FOXP1: variants seen among roughly 807,000 people sequenced by gnomAD.
FOXP1 encodes the protein forkhead box P1.
Under a neutral mutation model 98.2 loss-of-function variants are expected in FOXP1, and 15 were observed. The ratio of observed to expected loss-of-function variants is 0.15; its 90% CI spans 0.10 to 0.24. The LOEUF is 0.24. Ranked by LOEUF, FOXP1 falls within the 10% of genes least tolerant of loss-of-function variation. FOXP1 has a pLI of 1.00. For synonymous variants in FOXP1, 371 were observed against 314.5 expected, an observed-to-expected ratio of 1.18 and a Z score of -1.90; for missense variants, 633 against 848.5, an observed-to-expected ratio of 0.75 and a Z score of 3.15.
chr3:71,109,212 T>A (rs1290432076), intron 7 of FOXP1, among the ~76,000 whole-genome samples: 3 of 152,212 alleles, frequency 2.0e-5, no homozygotes, highest in African/African-American at 7.2e-5. Context: ...ATTTCTCTCT[T>A]ATTTACTCTC....
At chr3:71,385,172 T>G (rs1462203026) in intron 3 of FOXP1, among the ~76,000 whole-genome samples, 1 of 152,026 alleles carries the variant, frequency 6.6e-6, no homozygotes, top group Admixed American at 6.6e-5. Flanking sequence ...CATATGCATT[T>G]CGGCAGATGA....
rs571444338 is a variant in FOXP1 at position 71,530,337 on chromosome 3, C to A, written c.-297-36782G>T. On this transcript the variant is annotated intron_variant, in intron 2 of 20. Coordinates refer to ENST00000649528, the MANE Select transcript of FOXP1 (RefSeq NM_001349338.3). ...CTCTTTTGCTCTCATGCACACCCTC[C>A]CGCCACGTGATAACCCAAAAGGCCC... Among the ~76,000 whole-genome samples, 49 of 152,264 alleles carry A rather than the reference C, an allele frequency of 3.2e-4. No individual in the cohort carries two copies. In the South Asian group the frequency reaches 1.0e-2, roughly 31 times the overall value.
intron 19 of FOXP1, among the ~76,000 whole-genome samples, chr3:70,966,537 C>A (rs1293292009): frequency 6.6e-6 from 1 of 152,096 alleles, no homozygotes; most frequent in Non-Finnish European, 1.5e-5. Context: ...CCTCTTAGAT[C>A]CTATAGAAAA....
At chr3:71,105,726 T>C (rs2107695498) in intron 7 of FOXP1, among the ~76,000 whole-genome samples, 1 of 152,216 alleles carries the variant, frequency 6.6e-6, no homozygotes, top group Non-Finnish European at 1.5e-5. Flanking sequence ...TGCTTTGCTG[T>C]TGTTGATCAC....
chr3:71,277,051 C>T lies in FOXP1; in HGVS notation c.-12+22769G>A, dbSNP rs541180623. ...TCGGCTCACTGCAAGCTTCCCCTCC[C>T]GGATTCACGCCATTCTCCTGCCTCA... is the stretch of plus-strand genomic sequence containing the variant. On this transcript the variant is annotated intron_variant, in intron 5 of 20. Coordinates refer to ENST00000649528, the MANE Select transcript of FOXP1 (RefSeq NM_001349338.3). Among the ~76,000 whole-genome samples, 21 of 151,502 alleles carry T rather than the reference C, an allele frequency of 1.4e-4. 1 individual carries two copies. Among genetic ancestry groups the T allele is most frequent in the African/African-American group, 4.8e-4 (20 of 41,280 alleles).
chr3:71,430,211 G>A (rs1353856320), intron 3 of FOXP1, among the ~76,000 whole-genome samples: 1 of 152,160 alleles, frequency 6.6e-6, no homozygotes, highest in African/African-American at 2.4e-5. Flanking sequence ...CTGACTCGAG[G>A]ACTTTGCAGC....
intron 3 of FOXP1, among the ~76,000 whole-genome samples, chr3:71,422,865 A>AGC (rs1311624832): frequency 5.3e-5 from 8 of 151,862 alleles, no homozygotes; most frequent in Non-Finnish European, 1.2e-4. Flanking sequence ...CACACACACA[A>AGC]GCGCGCACAC....
rs1310393392 is a variant in FOXP1 at position 71,046,969 on chromosome 3, C to A, written c.637G>T (p.Ala213Ser). The A allele has an allele frequency of 2.5e-6, 4 of 1,614,064 alleles. No homozygotes were observed. ...TGAGCAAGAGGTTGAAGGGGAAGGG[C>A]AGGCTGCCCGGGCTGAATTGTCAGA... ...GLLTIQPGQP[A>S]LPLQPLAQGM... The change falls in exon 10 of 21, where the codon GCC becomes TCC. Residue 213 changes from alanine (A) to serine (S), a missense_variant. Ala to Ser is a moderately conservative substitution (Grantham distance 99). Around this residue, in one of 6 missense-constraint regions of FOXP1, gnomAD observed 210 missense variants for 270.6 expected, o/e 0.78. Coordinates refer to ENST00000649528, the MANE Select transcript of FOXP1 (RefSeq NM_001349338.3).
intron 7 of FOXP1, among the ~76,000 whole-genome samples, chr3:71,110,249 T>C (rs904341047): frequency 1.6e-4 from 24 of 152,162 alleles, no homozygotes; most frequent in African/African-American, 5.8e-4. Flanking sequence ...AAAAATGCCA[T>C]ATGTTTTTAA....
chr3:71,110,820 C>A (rs1244220566), intron 7 of FOXP1, among the ~76,000 whole-genome samples: 1 of 152,238 alleles, frequency 6.6e-6, no homozygotes, highest in Non-Finnish European at 1.5e-5. Flanking sequence ...CTTAAGACAT[C>A]TGCACAACAA....
intron 6 of FOXP1, among the ~76,000 whole-genome samples, chr3:71,126,898 A>G (rs1332127069): frequency 4.5e-4 from 69 of 151,958 alleles, no homozygotes; most frequent in African/African-American, 1.5e-3. Flanking sequence ...AACAAAAAAA[A>G]AAAGAAAGAA....
chr3:71,577,782 T>A (rs1282724329), intron 2 of FOXP1, among the ~76,000 whole-genome samples: 2 of 151,330 alleles, frequency 1.3e-5, no homozygotes, highest in African/African-American at 4.9e-5. Flanking sequence ...CTAACTACCA[T>A]CAACTTAAAA....
chr3:71,555,373 G>A (rs2107693241), intron 2 of FOXP1, among the ~76,000 whole-genome samples: 1 of 152,312 alleles, frequency 6.6e-6, no homozygotes, highest in South Asian at 2.1e-4. Flanking sequence ...AAAAGGGATT[G>A]CTGGTCATCT....
chr3:71,114,121 C>T (rs1436105617), intron 6 of FOXP1, among the ~76,000 whole-genome samples: 13 of 152,140 alleles, frequency 8.5e-5, no homozygotes, highest in Non-Finnish European at 4.4e-5. Flanking sequence ...ACATAGATGT[C>T]ATCAATACAT....
At chr3:71,174,732 C>A (rs1375067651) in intron 6 of FOXP1, among the ~76,000 whole-genome samples, 1 of 150,442 alleles carries the variant, frequency 6.6e-6, no homozygotes, top group Admixed American at 6.7e-5. Flanking sequence ...AATGCTATGA[C>A]TCTACAGATA....
intron 4 of FOXP1, among the ~76,000 whole-genome samples, chr3:71,347,498 C>CA (rs2077438449): frequency 6.6e-6 from 1 of 152,118 alleles, no homozygotes. Flanking sequence ...TACATGCTAG[C>CA]ACTGAATAAA....
Position 71,207,247 on chromosome 3 carries a change from CT to C in FOXP1, c.-11-8856del, listed in dbSNP as rs11425660. Among the ~76,000 whole-genome samples the C allele has an allele frequency of 3.9e-4, 58 of 148,988 alleles. 1 individual carries two copies. Among genetic ancestry groups the C allele is most frequent in the Non-Finnish European group, 6.1e-4 (41 of 67,210 alleles). On this transcript the variant is annotated intron_variant, in intron 5 of 20. Transcript: ENST00000649528. ...TGACCAACAACCAGTTCAGAAAAGT[CT>C]TTTTTTTTTTTCATTTCTATATTTT... is the stretch of plus-strand genomic sequence containing the variant.
At chr3:71,026,994 G>C (rs969773400) in intron 11 of FOXP1, among the ~76,000 whole-genome samples, 7 of 152,168 alleles carry the variant, frequency 4.6e-5, no homozygotes, top group Admixed American at 6.5e-5. Context: ...ACCAGTAAGG[G>C]CTATTCTGAG....
At chr3:70,980,328 G>C (rs1000128474) in intron 14 of FOXP1, among the ~76,000 whole-genome samples, 2 of 152,186 alleles carry the variant, frequency 1.3e-5, no homozygotes, top group South Asian at 4.1e-4. Context: ...TAAATATACA[G>C]CTTTTATAAT....
Sources: gnomAD v4.1 joint callset for allele counts (sites outside exome capture counted in the v4.1 genomes callset) on GRCh38, gnomAD v4.1.1 for gene constraint, gnomAD v4.1.1 regional missense constraint, MANE v1.5 for transcripts, NCBI Gene and HGNC (gene_info 2026-07-23, HGNC 2026-07-21) for gene names.